RAD51B: variants seen among roughly 807,000 people sequenced by gnomAD.
RAD51B encodes DNA repair protein RAD51 homolog 2.
Under a neutral mutation model 42.2 loss-of-function variants are expected in RAD51B, and 38 were observed. The ratio of observed to expected loss-of-function variants is 0.90; its 90% CI spans 0.70 to 1.18. The LOEUF is 1.18. RAD51B is among the 50% of genes most tolerant of loss of function. The pLI is 0.00. For synonymous variants in RAD51B, 154 were observed against 145.2 expected, an observed-to-expected ratio of 1.06 and a Z score of -0.43; for missense variants, 373 against 400.7, an observed-to-expected ratio of 0.93 and a Z score of 0.59.
rs566298294 is a variant in RAD51B, at chr14:68,344,471, C to T, written c.853+52491C>T. ...GACCATCCTGGCTAACACAGTGAAA[C>T]CCCGTCTCTACTAAAAGTACAAAAA... On this transcript the variant is annotated intron_variant, in intron 8 of 10. Coordinates refer to ENST00000471583, the MANE Select transcript of RAD51B (RefSeq NM_133510.4). 2.0e-5 allele frequency among the ~76,000 whole-genome samples: 3 copies of T among 151,806 alleles called. No homozygotes were observed. The South Asian group carries it at 6.2e-4, about 32-fold the overall frequency.
intron 10 of RAD51B, among the ~76,000 whole-genome samples, chr14:68,515,764 CTTTCT>C (rs541581952): frequency 1.7e-4 from 18 of 107,402 alleles, no homozygotes; most frequent in East Asian, 9.1e-4. Context: ...TTCTTTCTTT[CTTTCT>C]TTTCTTTTCT....
At chr14:68,461,850 G>GC (rs35575663) in intron 9 of RAD51B, among the ~76,000 whole-genome samples, 2 of 152,284 alleles carry the variant, frequency 1.3e-5, no homozygotes, top group South Asian at 4.1e-4. Flanking sequence ...AAGCCCATGG[G>GC]CCCCAATGGC....
At chr14:68,015,866 AT>A (rs1239142926) in intron 7 of RAD51B, among the ~76,000 whole-genome samples, 1 of 152,224 alleles carries the variant, frequency 6.6e-6, no homozygotes, top group Non-Finnish European at 1.5e-5. Context: ...CCATTTATTC[AT>A]TTATAAATGC....
At chr14:68,172,370 C>T (rs985435188) in intron 7 of RAD51B, among the ~76,000 whole-genome samples, 1 of 152,204 alleles carries the variant, frequency 6.6e-6, no homozygotes, top group African/African-American at 2.4e-5. Flanking sequence ...CAGATACCGA[C>T]AGGTTTGTCC....
intron 8 of RAD51B, among the ~76,000 whole-genome samples, chr14:68,388,092 A>T (rs1468462530): frequency 3.7e-5 from 5 of 135,538 alleles, no homozygotes; most frequent in South Asian, 2.2e-4. Context: ...ATATATATAT[A>T]TATTTTTTTT....
chr14:68,481,630 T>G (rs1341258260), downstream of RAD51B, among the ~76,000 whole-genome samples: 1 of 152,224 alleles, frequency 6.6e-6, no homozygotes, highest in Non-Finnish European at 1.5e-5. Flanking sequence ...GGTAGAATTT[T>G]GTATTATTCC....
chr14:68,206,113 A>G (rs2079579671), intron 7 of RAD51B, among the ~76,000 whole-genome samples: 2 of 152,166 alleles, frequency 1.3e-5, no homozygotes, highest in Non-Finnish European at 2.9e-5. Flanking sequence ...TGTCAGTTTT[A>G]AAGAATTTAA....
intron 7 of RAD51B, among the ~76,000 whole-genome samples, chr14:68,229,169 A>G (rs924401312): frequency 6.6e-6 from 1 of 152,200 alleles, no homozygotes; most frequent in Non-Finnish European, 1.5e-5. Context: ...TTTGTAAACA[A>G]GCTTCTCTAG....
At chr14:68,483,478 G>A (rs1883362116) in intron 10 of RAD51B, among the ~76,000 whole-genome samples, 1 of 152,110 alleles carries the variant, frequency 6.6e-6, no homozygotes. Flanking sequence ...AAGTAACTCT[G>A]GGAAGGGATA....
At chr14:68,149,747 G>A (rs1264665930) in intron 7 of RAD51B, 12 of 152,148 alleles carry the variant, frequency 7.9e-5, no homozygotes, top group Non-Finnish European at 1.3e-4. Flanking sequence ...TTCCTCTTTA[G>A]GCAACCTGGT....
exon 11 of RAD51B, chr14:68,594,915 A>T (rs1890927226): frequency 9.1e-7 from 1 of 1,095,960 alleles, no homozygotes; most frequent in South Asian, 3.7e-5. Flanking sequence ...CTTGCTGCTG[A>T]GCTAAAGGAC....
At chr14:68,388,317 C>T (rs1464501092) in intron 8 of RAD51B, among the ~76,000 whole-genome samples, 1 of 151,876 alleles carries the variant, frequency 6.6e-6, no homozygotes. Flanking sequence ...CGGTTGATCT[C>T]GAACTCCTGA....
chr14:68,330,674 C>A (rs2082330141), intron 8 of RAD51B, among the ~76,000 whole-genome samples: 1 of 152,104 alleles, frequency 6.6e-6, no homozygotes, highest in Admixed American at 6.5e-5. Context: ...TGTATATAGA[C>A]AAACAGCATA....
At chr14:67,996,358 T>C (rs2075383475) in intron 7 of RAD51B, among the ~76,000 whole-genome samples, 1 of 151,582 alleles carries the variant, frequency 6.6e-6, no homozygotes, top group Non-Finnish European at 1.5e-5. Context: ...ATCATGACAC[T>C]GCACTCCAGC....
chr14:67,995,806 A>G (rs910217491), intron 7 of RAD51B, among the ~76,000 whole-genome samples: 1 of 151,628 alleles, frequency 6.6e-6, no homozygotes, highest in Non-Finnish European at 1.5e-5. Context: ...TTTAGTAGAG[A>G]CGAGGTTTCA....
chr14:68,242,399 C>T (rs1176289387), intron 7 of RAD51B, among the ~76,000 whole-genome samples: 1 of 152,198 alleles, frequency 6.6e-6, no homozygotes, highest in Non-Finnish European at 1.5e-5. Flanking sequence ...TCTTGTTTCC[C>T]TGTGCAGGTT....
At chr14:67,889,050 G>T (rs1462966706) in intron 7 of RAD51B, among the ~76,000 whole-genome samples, 1 of 152,022 alleles carries the variant, frequency 6.6e-6, no homozygotes, top group Non-Finnish European at 1.5e-5. Flanking sequence ...TGAGAAAGGG[G>T]CACTGCTTTT....
At chr14:68,082,911 A>G (rs1283762776) in intron 7 of RAD51B, among the ~76,000 whole-genome samples, 1 of 152,188 alleles carries the variant, frequency 6.6e-6, no homozygotes, top group Admixed American at 6.5e-5. Context: ...CTGGGTACAT[A>G]TGCACACTGC....
intron 10 of RAD51B, among the ~76,000 whole-genome samples, chr14:68,584,548 C>T (rs1300408527): frequency 1.3e-5 from 2 of 152,228 alleles, no homozygotes; most frequent in Non-Finnish European, 2.9e-5. Context: ...TTCCTCACCT[C>T]CAGCCAGCTC....
Sources: allele counts gnomAD v4.1 joint callset (sites outside exome capture counted in the v4.1 genomes callset), GRCh38; gene constraint gnomAD v4.1.1; transcripts MANE v1.5; gene names NCBI Gene and HGNC (gene_info 2026-07-23, HGNC 2026-07-21).